MEGF6: variants seen among roughly 807,000 people sequenced by gnomAD.
The protein encoded by MEGF6 is multiple EGF like domains 6, also known as multiple epidermal growth factor-like domains protein 6.
Under a neutral mutation model 207.1 loss-of-function variants are expected in MEGF6, and 184 were observed. The ratio of observed to expected loss-of-function variants is 0.89; its 90% CI spans 0.79 to 1.00. The LOEUF (loss-of-function observed/expected upper bound fraction) is 1.00, where lower values mean the gene tolerates loss of function less well. Among genes scored for constraint, MEGF6 ranks in the 50% least tolerant of loss-of-function variants. MEGF6 has a pLI of 0.00. For synonymous variants in MEGF6, 1,038 were observed against 910.0 expected, an observed-to-expected ratio of 1.14 and a Z score of -2.53; for missense variants, 2,282 against 2,202.9, an observed-to-expected ratio of 1.04 and a Z score of -0.72.
intron 4 of MEGF6, among the ~76,000 whole-genome samples, chr1:3,530,796 C>T (rs1376438213): frequency 6.6e-6 from 1 of 152,220 alleles, no homozygotes; most frequent in African/African-American, 2.4e-5. Context: ...GGGAACCCTG[C>T]TCCCACAGAC....
intron 2 of MEGF6, among the ~76,000 whole-genome samples, chr1:3,600,701 G>A (rs1644142854): frequency 6.6e-6 from 1 of 152,210 alleles, no homozygotes; most frequent in Admixed American, 6.5e-5. Flanking sequence ...CGTGGGATTT[G>A]GGAGCACCCT....
At chr1:3,533,190 AAAG>A (rs1201856808) in intron 4 of MEGF6, among the ~76,000 whole-genome samples, 1 of 152,192 alleles carries the variant, frequency 6.6e-6, no homozygotes, top group African/African-American at 2.4e-5. Context: ...AGCGCGTGGG[AAAG>A]AAGAGGCCCC....
At chr1:3,606,875 C>T (rs1210020236) in intron 1 of MEGF6, among the ~76,000 whole-genome samples, 1 of 152,134 alleles carries the variant, frequency 6.6e-6, no homozygotes, top group Admixed American at 6.5e-5. Flanking sequence ...TGAGGGCAGC[C>T]ACTGTGAAGG....
At chr1:3,519,149 C>T (rs1219524965) in intron 5 of MEGF6, among the ~76,000 whole-genome samples, 3 of 152,202 alleles carry the variant, frequency 2.0e-5, no homozygotes, top group Non-Finnish European at 4.4e-5. Flanking sequence ...CAACCCACAC[C>T]CCAGCAAGGC....
chr1:3,508,467 G>T, intron 13 of MEGF6, 91 bp downstream of exon 13: 1 of 1,462,930 alleles, frequency 6.8e-7, no homozygotes, highest in South Asian at 1.3e-5. Context: ...CAGCAGGCAG[G>T]AGTAAAACTG....
chr1:3,515,620 A>C, intron 5 of MEGF6, 93 bp from the exon 6 acceptor site: 1 of 1,481,050 alleles, frequency 6.8e-7, no homozygotes, highest in South Asian at 1.3e-5. Context: ...TGGCATGGCC[A>C]CTTCTTCCTG....
At chr1:3,493,304 C>T (rs55967605) in intron 34 of MEGF6, 1 of 223,460 alleles carries the variant, frequency 4.5e-6, no homozygotes, top group South Asian at 6.4e-5. Flanking sequence ...CTCCTATCCT[C>T]AGGTGGGTCC....
chr1:3,554,090 G>GCGCCTGCTTCCAGAA lies in MEGF6; in HGVS notation c.481+25720_481+25734dup, dbSNP rs1570125206. ...TGGTGTCCTGTGGGGAACAAGCTTG[G>GCGCCTGCTTCCAGAA]CGCCTGCTTCCAGAACGCCTGCTTG... On this transcript the variant is annotated intron_variant, in intron 4 of 36. Transcript: ENST00000356575. Among the ~76,000 whole-genome samples, 4 of 152,314 alleles carry GCGCCTGCTTCCAGAA rather than the reference G, an allele frequency of 2.6e-5. No homozygotes were observed. The East Asian group carries it at 7.7e-4, about 29-fold the overall frequency.
At chr1:3,505,628 T>C in intron 15 of MEGF6, 72 bp from the exon 16 acceptor site, 1 of 1,463,560 alleles carries the variant, frequency 6.8e-7, no homozygotes. Flanking sequence ...CCACCAGCCC[T>C]GGGTCAGCCA....
intron 4 of MEGF6, among the ~76,000 whole-genome samples, chr1:3,534,353 T>C (rs1038450463): frequency 7.2e-5 from 11 of 152,264 alleles, no homozygotes; most frequent in Non-Finnish European, 1.3e-4. Context: ...ACCTATTTGT[T>C]TTTGCTTTTC....
intron 3 of MEGF6, among the ~76,000 whole-genome samples, chr1:3,580,741 G>A (rs987047410): frequency 7.0e-6 from 1 of 143,246 alleles, no homozygotes; most frequent in Non-Finnish European, 1.5e-5. Context: ...GGAGGGCAGG[G>A]CCAGGGTGGG....
chr1:3,507,911 T>A lies in MEGF6; in HGVS notation c.1673A>T (p.Asp558Val). 1 of 1,611,320 alleles carries A rather than the reference T, an allele frequency of 6.2e-7. No homozygotes were observed. The highest frequency in any genetic ancestry group is 8.5e-7 in the Non-Finnish European group (1 of 1,178,788). Residue 558 changes from aspartate (D) to valine (V), a missense_variant, in exon 14 of 37, where the codon GAC becomes GTC. Asp to Val is a radical substitution (Grantham distance 152). Coordinates refer to ENST00000356575, the MANE Select transcript of MEGF6 (RefSeq NM_001409.4). ...GAAGCTGCAGTTCTTCCCAAAGGTG[T>A]CCGGAGGACAAGCTACAAAGAATGA... ...GLICNETCPP[D>V]TFGKNCSFSC...
In MEGF6 at chr1:3,548,821, C is replaced by G. The variant is rs560091874; in HGVS notation, c.482-24575G>C. ...CAGCCTCACAGCCACCCACCCCGACCCTGCTAGGCTCCACGGGGAAAGGAG... is the reference window on the plus strand; with the variant it reads ...CAGCCTCACAGCCACCCACCCCGACGCTGCTAGGCTCCACGGGGAAAGGAG... On this transcript the variant is annotated intron_variant, in intron 4 of 36. Transcript: ENST00000356575. 9.8e-5 allele frequency among the ~76,000 whole-genome samples: 15 copies of G among 152,326 alleles called. No homozygotes were observed. In the South Asian group the frequency reaches 2.7e-3, roughly 27 times the overall value.
chr1:3,531,029 CG>C, intron 4 of MEGF6: 2 of 1,437,236 alleles, frequency 1.4e-6, no homozygotes, highest in South Asian at 2.9e-5. Context: ...GGGAGCGCGC[CG>C]GGGAGCGCCC....
intron 2 of MEGF6, among the ~76,000 whole-genome samples, chr1:3,598,423 G>T (rs965747273): frequency 2.0e-5 from 3 of 152,232 alleles, no homozygotes; most frequent in Non-Finnish European, 4.4e-5. Context: ...GAAACCACTT[G>T]CCCGGACAGA....
At chr1:3,515,976 C>T (rs533158501) in intron 5 of MEGF6, among the ~76,000 whole-genome samples, 8 of 152,236 alleles carry the variant, frequency 5.3e-5, no homozygotes, top group Non-Finnish European at 1.0e-4. Context: ...ATCTCACCAT[C>T]GTGGTCCTTA....
chr1:3,498,853 T>C lies in MEGF6; in HGVS notation c.3095-27A>G, dbSNP rs772082642. ...TGGGGCCAGGGAAGAGGGAGCAACC[T>C]GCATCCCCCAGCCAGCTGGCCCCAC... On this transcript the variant is annotated intron_variant, in intron 24 of 36. Coordinates refer to ENST00000356575, the MANE Select transcript of MEGF6 (RefSeq NM_001409.4). 10 of 1,544,750 alleles carry C rather than the reference T, an allele frequency of 6.5e-6. No homozygotes were observed. In the East Asian group the frequency reaches 1.2e-4, roughly 19 times the overall value.
rs888899677 is a variant in MEGF6 at position 3,511,907 on chromosome 1, C to T, written c.976+99G>A. On this transcript the variant is annotated intron_variant, in intron 8 of 36. Coordinates refer to ENST00000356575, the MANE Select transcript of MEGF6 (RefSeq NM_001409.4). ...CACACCCAGGGCTGCCCCTGATTGA[C>T]AAGGAAGCCCTGCCCTTCAGCCAAA... 9.0e-6 allele frequency: 14 copies of T among 1,560,558 alleles called. No individual in the cohort carries two copies. The East Asian group carries it at 3.0e-4, about 34-fold the overall frequency.
intron 5 of MEGF6, among the ~76,000 whole-genome samples, chr1:3,519,166 C>A (rs1002692914): frequency 6.6e-6 from 1 of 152,222 alleles, no homozygotes; most frequent in African/African-American, 2.4e-5. Context: ...AGGCCCCCAC[C>A]CCTGGCCAGG....
Sources: allele counts gnomAD v4.1 joint callset (sites outside exome capture counted in the v4.1 genomes callset), GRCh38; gene constraint gnomAD v4.1.1; transcripts MANE v1.5; gene names NCBI Gene and HGNC (gene_info 2026-07-23, HGNC 2026-07-21).